Variants in PTPRD observed in about 807,000 individuals in gnomAD.
PTPRD encodes protein tyrosine phosphatase receptor type D.
In PTPRD, 34 loss-of-function variants were observed where a neutral mutation model predicts 214.5. That is an observed-to-expected ratio of 0.16 (90% CI 0.12 to 0.21). The LOEUF is 0.21. PTPRD is among the 10% of genes least tolerant of loss of function. PTPRD has a pLI of 1.00. For synonymous variants in PTPRD, 1,128 were observed against 845.7 expected, an observed-to-expected ratio of 1.33 and a Z score of -5.79; for missense variants, 2,545 against 2,398.7, an observed-to-expected ratio of 1.06 and a Z score of -1.27.
At chr9:9,898,936 G>T (rs1311737332) in intron 5 of PTPRD, among the ~76,000 whole-genome samples, 2 of 151,926 alleles carry the variant, frequency 1.3e-5, no homozygotes, top group Non-Finnish European at 2.9e-5. Flanking sequence ...CTTTTGAAAG[G>T]AAAAACAAAG....
intron 2 of PTPRD, among the ~76,000 whole-genome samples, chr9:10,514,958 T>C (rs996749300): frequency 2.0e-5 from 3 of 152,060 alleles, no homozygotes; most frequent in African/African-American, 7.2e-5. Context: ...TATAAAATTG[T>C]TGATGATTTT....
intron 7 of PTPRD, among the ~76,000 whole-genome samples, chr9:9,716,385 G>T (rs896214151): frequency 6.6e-6 from 1 of 151,530 alleles, no homozygotes; most frequent in African/African-American, 2.4e-5. Flanking sequence ...GGGATGGCTG[G>T]GTCAAATGGT....
intron 2 of PTPRD, among the ~76,000 whole-genome samples, chr9:10,482,220 A>C (rs7047101): frequency 0.58 from 88,082 of 151,212 alleles, 25,990 homozygotes; most frequent in East Asian, 0.79. Flanking sequence ...AAATACAAAA[A>C]ATTAGCCGGG....
intron 4 of PTPRD, among the ~76,000 whole-genome samples, chr9:9,952,873 T>C (rs917982418): frequency 6.6e-6 from 1 of 152,146 alleles, no homozygotes; most frequent in East Asian, 1.9e-4. Context: ...CTTATCTGGC[T>C]GCTATTTCCC....
At chr9:10,479,948 T>C (rs2099087350) in intron 2 of PTPRD, among the ~76,000 whole-genome samples, 2 of 152,150 alleles carry the variant, frequency 1.3e-5, no homozygotes, top group African/African-American at 4.8e-5. Flanking sequence ...CTTAAAATTT[T>C]TCGTTTTTAA....
At chr9:8,713,317 G>A (rs573932554) in intron 12 of PTPRD, 4 of 789,420 alleles carry the variant, frequency 5.1e-6, no homozygotes, top group Admixed American at 4.0e-5. Flanking sequence ...CGCCATGAAG[G>A]CCTCGGGCAC....
At chr9:9,630,681 G>A (rs2095562556) in intron 7 of PTPRD, among the ~76,000 whole-genome samples, 1 of 152,134 alleles carries the variant, frequency 6.6e-6, no homozygotes, top group African/African-American at 2.4e-5. Context: ...GAAGATAAAT[G>A]TATTCCCCTC....
At chr9:10,077,376 A>G (rs2098149342) in intron 3 of PTPRD, among the ~76,000 whole-genome samples, 1 of 152,208 alleles carries the variant, frequency 6.6e-6, no homozygotes, top group African/African-American at 2.4e-5. Flanking sequence ...CATTTGCTTA[A>G]GATTCACTTG....
In PTPRD at chr9:9,846,751, T is replaced by G. The variant is rs971925348; in HGVS notation, c.-367-79900A>C. ...GAAAAATGAAACTGAAAGGTATTAG[T>G]GCTGACACTGCTTGGACAGCATAAA... On this transcript the variant is annotated intron_variant, in intron 5 of 45. Coordinates refer to ENST00000381196, the MANE Select transcript of PTPRD (RefSeq NM_002839.4). 3.3e-5 allele frequency among the ~76,000 whole-genome samples: 5 copies of G among 152,232 alleles called. No homozygotes were observed. In the East Asian group the frequency reaches 9.7e-4, roughly 29 times the overall value.
chr9:10,361,074 C>A (rs1408767702), intron 2 of PTPRD, among the ~76,000 whole-genome samples: 1 of 152,080 alleles, frequency 6.6e-6, no homozygotes, highest in African/African-American at 2.4e-5. Context: ...TGCACTCCAG[C>A]CTGGGCGACA....
intron 9 of PTPRD, among the ~76,000 whole-genome samples, chr9:9,270,713 G>A (rs1022746222): frequency 6.6e-6 from 1 of 151,364 alleles, no homozygotes; most frequent in Admixed American, 6.6e-5. Context: ...TGTGTAGAAT[G>A]GTATGCAGAA....
At chr9:10,023,360 C>G (rs745856965) in intron 4 of PTPRD, among the ~76,000 whole-genome samples, 1 of 152,124 alleles carries the variant, frequency 6.6e-6, no homozygotes, top group African/African-American at 2.4e-5. Flanking sequence ...GACATGTATG[C>G]CTGAATAATG....
intron 11 of PTPRD, among the ~76,000 whole-genome samples, chr9:8,974,965 C>T (rs943135227): frequency 1.3e-5 from 2 of 151,386 alleles, no homozygotes; most frequent in African/African-American, 2.4e-5. Flanking sequence ...GGTGTGGTGG[C>T]GGGTGCCTAT....
At chr9:9,221,261 T>G (rs1249400374) in intron 9 of PTPRD, among the ~76,000 whole-genome samples, 1 of 152,130 alleles carries the variant, frequency 6.6e-6, no homozygotes, top group Non-Finnish European at 1.5e-5. Context: ...TCAATGATGA[T>G]GCATGACATG....
chr9:10,092,136 A>T (rs1036889225), intron 3 of PTPRD, among the ~76,000 whole-genome samples: 1 of 151,468 alleles, frequency 6.6e-6, no homozygotes, highest in Non-Finnish European at 1.5e-5. Flanking sequence ...AGTAGAACTT[A>T]AGGGAATAGC....
intron 11 of PTPRD, among the ~76,000 whole-genome samples, chr9:8,950,600 C>T (rs540208903): frequency 6.6e-6 from 1 of 151,716 alleles, no homozygotes; most frequent in Non-Finnish European, 1.5e-5. Flanking sequence ...ACATTGTATA[C>T]AATAATATAT....
At chr9:8,873,101 C>T (rs888802815) in intron 11 of PTPRD, among the ~76,000 whole-genome samples, 1 of 152,158 alleles carries the variant, frequency 6.6e-6, no homozygotes, top group Non-Finnish European at 1.5e-5. Flanking sequence ...AATCTGTCTG[C>T]CTAATGGAGC....
chr9:10,535,838 A>C (rs138954431), intron 2 of PTPRD, among the ~76,000 whole-genome samples: 1 of 152,212 alleles, frequency 6.6e-6, no homozygotes, highest in African/African-American at 2.4e-5. Context: ...CATATGGAAT[A>C]ATATGTCCCA....
At chr9:9,968,376 T>C (rs990621227) in intron 4 of PTPRD, among the ~76,000 whole-genome samples, 2 of 152,200 alleles carry the variant, frequency 1.3e-5, no homozygotes, top group African/African-American at 4.8e-5. Context: ...TATTTTAAGA[T>C]ACGCTTTGAG....
Sources: allele counts gnomAD v4.1 joint callset (sites outside exome capture counted in the v4.1 genomes callset), GRCh38; gene constraint gnomAD v4.1.1; transcripts MANE v1.5; gene names NCBI Gene and HGNC (gene_info 2026-07-23, HGNC 2026-07-21).